The following SLC35F4 variants were observed in gnomAD, a reference collection of about 807,000 sequenced individuals.
The protein encoded by SLC35F4 is solute carrier family 35 member F4, also known as chromosome 14 open reading frame 36.
A neutral mutation model predicts 44.2 loss-of-function variants in SLC35F4; 24 were observed. The observed-to-expected ratio is 0.54, with a 90% CI of 0.39 to 0.76. The LOEUF (loss-of-function observed/expected upper bound fraction) is 0.76, where lower values mean the gene tolerates loss of function less well. Ranked by LOEUF, SLC35F4 falls within the 30% of genes least tolerant of loss-of-function variation. The pLI, the probability that SLC35F4 is intolerant of heterozygous loss-of-function variation, is 0.00. For synonymous variants in SLC35F4, 238 were observed against 223.6 expected, an observed-to-expected ratio of 1.06 and a Z score of -0.57; for missense variants, 562 against 586.1, an observed-to-expected ratio of 0.96 and a Z score of 0.42.
intron 1 of SLC35F4, among the ~76,000 whole-genome samples, chr14:57,741,815 G>A (rs2076616446): frequency 6.6e-6 from 1 of 152,314 alleles, no homozygotes; most frequent in Non-Finnish European, 1.5e-5. Flanking sequence ...GTTAAGGGCA[G>A]CCAGAGAGAA....
chr14:57,921,412 G>A (rs562357485), intron 1 of SLC35F4, among the ~76,000 whole-genome samples: 21 of 152,246 alleles, frequency 1.4e-4, no homozygotes, highest in Non-Finnish European at 2.8e-4. Context: ...TATTATCTTG[G>A]GCAGTTATTT....
At chr14:57,716,766 TAC>T (rs2140421004) in intron 1 of SLC35F4, among the ~76,000 whole-genome samples, 1 of 152,294 alleles carries the variant, frequency 6.6e-6, no homozygotes, top group Non-Finnish European at 1.5e-5. Context: ...GCTGAAAATA[TAC>T]AGTAAATTAT....
At chr14:57,950,481 C>T (rs990081909) in intron 1 of SLC35F4, among the ~76,000 whole-genome samples, 1 of 151,682 alleles carries the variant, frequency 6.6e-6, no homozygotes, top group African/African-American at 2.4e-5. Flanking sequence ...TCTCTGGTAT[C>T]TCCTTGAGTA....
chr14:57,572,832 C>G (rs1470802797), intron 4 of SLC35F4, among the ~76,000 whole-genome samples: 1 of 152,202 alleles, frequency 6.6e-6, no homozygotes, highest in African/African-American at 2.4e-5. Context: ...TGTGTCATCT[C>G]TTTATCTTGA....
chr14:57,788,730 T>A (rs903361003), intron 1 of SLC35F4, among the ~76,000 whole-genome samples: 2 of 152,136 alleles, frequency 1.3e-5, no homozygotes, highest in African/African-American at 4.8e-5. Context: ...GAGCACCACA[T>A]AGCATTTATT....
intron 1 of SLC35F4, among the ~76,000 whole-genome samples, chr14:57,732,886 C>T (rs980774167): frequency 6.6e-6 from 1 of 152,130 alleles, no homozygotes; most frequent in African/African-American, 2.4e-5. Flanking sequence ...AAAGACTTGA[C>T]TTCAAAATTC....
Position 57,694,607 on chromosome 14 carries a change from A to C in SLC35F4, c.104-100483T>G, listed in dbSNP as rs1424064974. On this transcript the variant is annotated intron_variant, in intron 1 of 7. Coordinates refer to ENST00000556826, the MANE Select transcript of SLC35F4 (RefSeq NM_001306087.2). ...GAGAGTTTGATAGATATTTCACAGA[A>C]TCTATCCCTCAGTTTGGGGAAAACT... Among the ~76,000 whole-genome samples, 3 of 152,174 alleles carry C rather than the reference A, an allele frequency of 2.0e-5. No individual in the cohort carries two copies. In the East Asian group the frequency reaches 5.8e-4, roughly 29 times the overall value.
Position 57,797,393 on chromosome 14 carries a change from T to C in SLC35F4, c.103+68330A>G, listed in dbSNP as rs116764910. On this transcript the variant is annotated intron_variant, in intron 1 of 7. Transcript: ENST00000556826. ...ATTATTCATGAGGCACAGAATGAGA[T>C]AGGACAGCTGGGTCAAAAGGGAAAG... is the stretch of plus-strand genomic sequence containing the variant. 4.7e-3 allele frequency among the ~76,000 whole-genome samples: 711 copies of C among 152,310 alleles called. 5 individuals are homozygous for C. The highest frequency in any genetic ancestry group is 0.016 in the African/African-American group (675 of 41,574).
intron 1 of SLC35F4, among the ~76,000 whole-genome samples, chr14:57,617,932 A>T (rs1424875340): frequency 1.3e-5 from 2 of 152,208 alleles, no homozygotes; most frequent in South Asian, 2.1e-4. Flanking sequence ...CTGACCTGAT[A>T]TGTAGGCAAC....
At chr14:57,626,029 G>C (rs2072458433) in intron 1 of SLC35F4, among the ~76,000 whole-genome samples, 2 of 150,814 alleles carry the variant, frequency 1.3e-5, no homozygotes, top group African/African-American at 4.9e-5. Flanking sequence ...GCAGGGACAT[G>C]GATGAAGCTG....
At chr14:57,946,836 A>G (rs1890042395) in intron 1 of SLC35F4, among the ~76,000 whole-genome samples, 1 of 151,958 alleles carries the variant, frequency 6.6e-6, no homozygotes, top group African/African-American at 2.4e-5. Context: ...CTATTTTTAT[A>G]CCAGTACCAG....
intron 1 of SLC35F4, among the ~76,000 whole-genome samples, chr14:57,899,563 G>A (rs1000609838): frequency 6.6e-6 from 1 of 152,206 alleles, no homozygotes; most frequent in African/African-American, 2.4e-5. Context: ...ACTTCAGACG[G>A]ATACAGAATA....
At chr14:57,622,946 G>A (rs375977197) in intron 1 of SLC35F4, among the ~76,000 whole-genome samples, 9 of 152,106 alleles carry the variant, frequency 5.9e-5, no homozygotes, top group East Asian at 5.8e-4. Flanking sequence ...TGACAGGATC[G>A]ACTTCACACA....
At chr14:57,574,747 G>C (rs2068692532) in intron 4 of SLC35F4, among the ~76,000 whole-genome samples, 1 of 152,060 alleles carries the variant, frequency 6.6e-6, no homozygotes, top group African/African-American at 2.4e-5. Flanking sequence ...TGGTTGTTTG[G>C]GTGATCTCAG....
chr14:57,592,989 C>G (rs1230142571), intron 2 of SLC35F4, among the ~76,000 whole-genome samples: 1 of 152,062 alleles, frequency 6.6e-6, no homozygotes, highest in Non-Finnish European at 1.5e-5. Context: ...ACAAATGGGC[C>G]AGAAGAGATG....
At chr14:57,840,115 G>A (rs780868968) in intron 1 of SLC35F4, among the ~76,000 whole-genome samples, 1 of 152,082 alleles carries the variant, frequency 6.6e-6, no homozygotes, top group Non-Finnish European at 1.5e-5. Context: ...AAAATCCAAG[G>A]AGGAGAGAAC....
chr14:57,862,024 A>G (rs748159199), intron 1 of SLC35F4, among the ~76,000 whole-genome samples: 17 of 152,084 alleles, frequency 1.1e-4, no homozygotes, highest in Non-Finnish European at 2.5e-4. Flanking sequence ...TACATCTCCA[A>G]TTACATTTAG....
At chr14:57,676,961 C>T (rs1237932264) in intron 1 of SLC35F4, among the ~76,000 whole-genome samples, 1 of 152,046 alleles carries the variant, frequency 6.6e-6, no homozygotes, top group Non-Finnish European at 1.5e-5. Context: ...CACTTGCACA[C>T]ACATGTTTAT....
chr14:57,848,894 A>G (rs1886275212), intron 1 of SLC35F4, among the ~76,000 whole-genome samples: 1 of 152,150 alleles, frequency 6.6e-6, no homozygotes, highest in African/African-American at 2.4e-5. Flanking sequence ...TCCCCGTGGA[A>G]CTTGGGGAGC....
Sources: allele counts gnomAD v4.1 joint callset (sites outside exome capture counted in the v4.1 genomes callset), GRCh38; gene constraint gnomAD v4.1.1; transcripts MANE v1.5; gene names NCBI Gene and HGNC (gene_info 2026-07-23, HGNC 2026-07-21).